SLC39A9: variants seen among roughly 807,000 people sequenced by gnomAD.
SLC39A9 encodes the protein solute carrier family 39 member 9, also known as zinc transporter ZIP9.
Under a neutral mutation model 28.4 loss-of-function variants are expected in SLC39A9, and 14 were observed. The observed-to-expected ratio is 0.49, with a 90% CI of 0.33 to 0.77. SLC39A9 has a LOEUF of 0.77. Among genes scored for constraint, SLC39A9 ranks in the 30% least tolerant of loss-of-function variants. SLC39A9 has a pLI of 0.02. For synonymous variants in SLC39A9, 119 were observed against 149.6 expected, an observed-to-expected ratio of 0.80 and a Z score of 1.49; for missense variants, 283 against 381.1, an observed-to-expected ratio of 0.74 and a Z score of 2.14.
At chr14:69,455,960 T>C in intron 6 of SLC39A9, 94 bp downstream of exon 6, 2 of 1,426,684 alleles carry the variant, frequency 1.4e-6, no homozygotes, top group South Asian at 1.4e-5. Flanking sequence ...TACATTACTC[T>C]CTCAAACTAA....
intron 1 of SLC39A9, among the ~76,000 whole-genome samples, chr14:69,414,945 A>G (rs1327928303): frequency 2.6e-5 from 4 of 152,204 alleles, no homozygotes; most frequent in Non-Finnish European, 5.9e-5. Flanking sequence ...ACATCAGGAA[A>G]ATGTTTATGA....
Position 69,446,929 on chromosome 14 carries a change from GATAT to G in SLC39A9, c.403+4679_403+4682del, listed in dbSNP as rs148838682. 1.6e-3 allele frequency among the ~76,000 whole-genome samples: 234 copies of G among 142,236 alleles called. 2 individuals carry two copies. Among genetic ancestry groups the G allele is most frequent in the South Asian group, 6.5e-3 (29 of 4,482 alleles). The allele number at this position is 142,236 out of a possible 152,430, so 93.3% of individuals were successfully genotyped here. A position where few individuals can be genotyped will look rare whatever the true frequency, so the allele number is the denominator to read the frequency against. On this transcript the variant is annotated intron_variant, in intron 3 of 6. Coordinates refer to ENST00000336643, the MANE Select transcript of SLC39A9 (RefSeq NM_018375.5). ...AATGGGAATCCATGAGCCCATCTGT[GATAT>G]ATATATATATATATAGAGAGAGAGA...
At chr14:69,446,947 TAGAG>T (rs1213461172) in intron 3 of SLC39A9, among the ~76,000 whole-genome samples, 7 of 129,376 alleles carry the variant, frequency 5.4e-5, no homozygotes, top group African/African-American at 2.1e-4. Context: ...TATATATATA[TAGAG>T]AGAGAGAGAG....
chr14:69,399,504 CTG>C (rs1317418679), intron 1 of SLC39A9, 39 bp downstream of exon 1: 1 of 1,550,578 alleles, frequency 6.4e-7, no homozygotes. Context: ...GTCAGGATGG[CTG>C]TGAGATAGTA....
chr14:69,411,510 A>G (rs1188039133), intron 1 of SLC39A9, among the ~76,000 whole-genome samples: 1 of 152,160 alleles, frequency 6.6e-6, no homozygotes, highest in Non-Finnish European at 1.5e-5. Context: ...CTGAGCAAAT[A>G]CTTCATTTCA....
intron 1 of SLC39A9, among the ~76,000 whole-genome samples, chr14:69,402,770 G>T (rs1171071698): frequency 5.3e-5 from 8 of 152,198 alleles, no homozygotes; most frequent in Non-Finnish European, 1.2e-4. Flanking sequence ...ACAGGAAAGA[G>T]AAACACTTTT....
intron 1 of SLC39A9, among the ~76,000 whole-genome samples, chr14:69,403,091 TAAAA>T (rs1282893794): frequency 6.7e-6 from 1 of 150,236 alleles, no homozygotes; most frequent in East Asian, 2.3e-4. Flanking sequence ...CAGAAAAAAA[TAAAA>T]ATAAATAAAT....
intron 2 of SLC39A9, among the ~76,000 whole-genome samples, chr14:69,434,083 CTT>C (rs570635766): frequency 6.5e-4 from 83 of 128,264 alleles, no homozygotes; most frequent in Non-Finnish European, 7.2e-4. Context: ...CTTTTCTTTT[CTT>C]TTTTTTTTTT....
chr14:69,404,677 CTTG>C (rs1882816657), intron 1 of SLC39A9, among the ~76,000 whole-genome samples: 1 of 152,124 alleles, frequency 6.6e-6, no homozygotes, highest in East Asian at 1.9e-4. Flanking sequence ...ATCCAAAGGT[CTTG>C]TTGTGGGGTT....
At chr14:69,437,922 C>G (rs1884856980) in intron 2 of SLC39A9, among the ~76,000 whole-genome samples, 2 of 152,046 alleles carry the variant, frequency 1.3e-5, no homozygotes, top group South Asian at 4.1e-4. Context: ...TAAGCTGTCT[C>G]CAGATTTTTT....
At chr14:69,420,613 T>C (rs1172214855) in intron 1 of SLC39A9, among the ~76,000 whole-genome samples, 1 of 152,246 alleles carries the variant, frequency 6.6e-6, no homozygotes, top group African/African-American at 2.4e-5. Flanking sequence ...GGTTCCATTC[T>C]CTCCATCACT....
chr14:69,432,141 T>G (rs1370231582), intron 2 of SLC39A9, among the ~76,000 whole-genome samples: 2 of 152,220 alleles, frequency 1.3e-5, no homozygotes, highest in Non-Finnish European at 2.9e-5. Flanking sequence ...TCTCCAAAAC[T>G]GCTTTCCACA....
chr14:69,434,566 A>G (rs1307908489), intron 2 of SLC39A9, among the ~76,000 whole-genome samples: 1 of 152,026 alleles, frequency 6.6e-6, no homozygotes, highest in Middle Eastern at 3.2e-3. Context: ...CTACAGAAAA[A>G]TTAGGTGGGC....
intron 6 of SLC39A9, among the ~76,000 whole-genome samples, chr14:69,456,096 T>C (rs1301698038): frequency 2.6e-5 from 4 of 152,218 alleles, no homozygotes; most frequent in Admixed American, 2.6e-4. Flanking sequence ...TCCAAGAATA[T>C]TTGCATAAAT....
intron 6 of SLC39A9, among the ~76,000 whole-genome samples, chr14:69,457,173 T>C (rs1303322451): frequency 7.1e-6 from 1 of 140,678 alleles, no homozygotes; most frequent in Non-Finnish European, 1.5e-5. Flanking sequence ...TTATGAGATA[T>C]ACATATATAT....
At chr14:69,410,092 C>CA (rs1883184879) in intron 1 of SLC39A9, among the ~76,000 whole-genome samples, 1 of 152,096 alleles carries the variant, frequency 6.6e-6, no homozygotes, top group Admixed American at 6.5e-5. Context: ...TTACATCAAA[C>CA]AATCTTACGG....
chr14:69,401,375 T>C (rs183865613), intron 1 of SLC39A9, among the ~76,000 whole-genome samples: 3 of 152,312 alleles, frequency 2.0e-5, no homozygotes, highest in Non-Finnish European at 2.9e-5. Context: ...GACATAACCA[T>C]ATTTTCTTAT....
intron 1 of SLC39A9, among the ~76,000 whole-genome samples, chr14:69,410,627 C>A (rs1385992389): frequency 6.6e-6 from 1 of 152,178 alleles, no homozygotes; most frequent in Non-Finnish European, 1.5e-5. Flanking sequence ...TTATCTGTTA[C>A]TAACACTTAG....
At chr14:69,450,270 A>G (rs1385065133) in intron 3 of SLC39A9, among the ~76,000 whole-genome samples, 3 of 152,168 alleles carry the variant, frequency 2.0e-5, no homozygotes, top group Admixed American at 6.6e-5. Flanking sequence ...TCTTTCTTCC[A>G]TACCATTCTA....
Sources: allele counts gnomAD v4.1 joint callset (sites outside exome capture counted in the v4.1 genomes callset), GRCh38; gene constraint gnomAD v4.1.1; transcripts MANE v1.5; gene names NCBI Gene and HGNC (gene_info 2026-07-23, HGNC 2026-07-21).